ADAMTS9: variants seen among roughly 807,000 people sequenced by gnomAD.
The protein encoded by ADAMTS9 is ADAM metallopeptidase with thrombospondin type 1 motif 9.
In ADAMTS9, 107 loss-of-function variants were observed where a neutral mutation model predicts 257.1. The observed-to-expected ratio is 0.42, with a 90% confidence interval of 0.36 to 0.49. ADAMTS9 has a LOEUF of 0.49. Among genes scored for constraint, ADAMTS9 ranks in the 20% least tolerant of loss-of-function variants. ADAMTS9 has a pLI of 0.03. For missense variants in ADAMTS9, 2,353 were observed against 2,469.1 expected (o/e 0.95, Z 1.00); for synonymous variants, 982 against 880.9 (o/e 1.11, Z -2.03).
chr3:64,681,383 G>T lies in ADAMTS9; in HGVS notation c.517-20C>A, dbSNP rs73124286. ...GCCCAGCTGCAAATGAAGAGAGATG[G>T]GAGGTTGATTTAACGTAACTCAGTC... On this transcript the variant is annotated intron_variant, in intron 2 of 39. Coordinates refer to ENST00000498707, the MANE Select transcript of ADAMTS9 (RefSeq NM_182920.2). The T allele has an allele frequency of 0.28, 446,293 of 1,596,096 alleles. 64,223 individuals are homozygous for T. Among genetic ancestry groups the T allele is most frequent in the East Asian group, 0.39 (17,088 of 44,080 alleles).
chr3:64,658,215 A>C (rs1182546597), intron 4 of ADAMTS9, among the ~76,000 whole-genome samples: 1 of 152,198 alleles, frequency 6.6e-6, no homozygotes, highest in African/African-American at 2.4e-5. Context: ...TTATCTATAA[A>C]ATGGGCATGA....
chr3:64,683,656 T>G (rs72892872), intron 2 of ADAMTS9, among the ~76,000 whole-genome samples: 18,465 of 152,210 alleles, frequency 0.12, 2,102 homozygotes, highest in African/African-American at 0.28. Flanking sequence ...CATATCAATG[T>G]GATGCCAAAA....
intron 30 of ADAMTS9, among the ~76,000 whole-genome samples, chr3:64,555,800 G>C (rs751997373): frequency 1.3e-5 from 2 of 152,158 alleles, no homozygotes; most frequent in African/African-American, 4.8e-5. Context: ...GGCTGGAGGT[G>C]AGAAATGGCA....
chr3:64,547,826 T>C (rs1014072901), intron 31 of ADAMTS9, among the ~76,000 whole-genome samples: 6 of 152,150 alleles, frequency 3.9e-5, no homozygotes, highest in African/African-American at 1.4e-4. Context: ...CACATCGTTA[T>C]AGTGTCCCAA....
intron 4 of ADAMTS9, 64 bp downstream of exon 4, chr3:64,658,438 G>T: frequency 6.6e-7 from 1 of 1,518,782 alleles, no homozygotes; most frequent in Non-Finnish European, 8.9e-7. Flanking sequence ...GCACTGAGTG[G>T]AAACCCATTC....
At chr3:64,535,443 A>C (rs912693896) in intron 37 of ADAMTS9, among the ~76,000 whole-genome samples, 1 of 152,052 alleles carries the variant, frequency 6.6e-6, no homozygotes, top group African/African-American at 2.4e-5. Context: ...CTTATGTGGC[A>C]TGGCTGCCAT....
intron 2 of ADAMTS9, among the ~76,000 whole-genome samples, chr3:64,682,344 G>A (rs1701779779): frequency 6.6e-6 from 1 of 152,180 alleles, no homozygotes; most frequent in Non-Finnish European, 1.5e-5. Flanking sequence ...ACGGTTTTTG[G>A]TGTTGCCAGT....
In ADAMTS9 at chr3:64,550,929, G is replaced by C; in HGVS notation, c.4832C>G (p.Pro1611Arg). The change falls in exon 31 of 40, where the codon CCC becomes CGC. Residue 1611 changes from proline (P) to arginine (R), a missense_variant. Pro to Arg is a moderately radical substitution (Grantham distance 103, BLOSUM62 -2). Coordinates refer to ENST00000498707, the MANE Select transcript of ADAMTS9 (RefSeq NM_182920.2). ...PVDRESCSLQ[P>R]CEYVWITGEW... Reference sequence around the variant, plus strand: ...TCCTGTGATCCAGACATACTCGCAGGGTTGCAAACTACAGCTTTCACGGTC... The same window carrying C: ...TCCTGTGATCCAGACATACTCGCAGCGTTGCAAACTACAGCTTTCACGGTC... The C allele has an allele frequency of 6.2e-7, 1 of 1,614,110 alleles. No individual in the cohort carries two copies. Among genetic ancestry groups the C allele is most frequent in the Non-Finnish European group, 8.5e-7 (1 of 1,180,006 alleles).
chr3:64,612,715 G>A (rs2106836358), intron 22 of ADAMTS9, among the ~76,000 whole-genome samples: 1 of 152,268 alleles, frequency 6.6e-6, no homozygotes, highest in South Asian at 2.1e-4. Flanking sequence ...TCTATATTAG[G>A]AAGGACTTAA....
chr3:64,574,493 T>C (rs1487739266), intron 28 of ADAMTS9, among the ~76,000 whole-genome samples: 3 of 132,938 alleles, frequency 2.3e-5, no homozygotes, highest in Non-Finnish European at 4.6e-5. Flanking sequence ...GAGGCAGAGG[T>C]GGGAGGATCA....
At chr3:64,622,117 T>C in intron 18 of ADAMTS9, 81 bp downstream of exon 18, 2 of 1,410,494 alleles carry the variant, frequency 1.4e-6, no homozygotes, top group Non-Finnish European at 1.9e-6. Flanking sequence ...GCAGTTTGCA[T>C]GCATTTGGCT....
chr3:64,635,183 C>T (rs1264699146), intron 12 of ADAMTS9, among the ~76,000 whole-genome samples: 2 of 152,160 alleles, frequency 1.3e-5, no homozygotes, highest in Non-Finnish European at 2.9e-5. Context: ...GCCCAGGTCC[C>T]ACAAAGGCCC....
At chr3:64,674,750 A>G (rs1438489739) in intron 3 of ADAMTS9, among the ~76,000 whole-genome samples, 1 of 152,160 alleles carries the variant, frequency 6.6e-6, no homozygotes, top group Admixed American at 6.5e-5. Context: ...ACTGCCTGGA[A>G]CCCATAGGCT....
chr3:64,655,293 A>G (rs1559813505), intron 6 of ADAMTS9, among the ~76,000 whole-genome samples: 1 of 152,320 alleles, frequency 6.6e-6, no homozygotes, highest in East Asian at 1.9e-4. Flanking sequence ...CGTGGTTCTC[A>G]ACCAAGGTGA....
intron 38 of ADAMTS9, among the ~76,000 whole-genome samples, chr3:64,528,076 C>G (rs1408068499): frequency 6.6e-6 from 1 of 152,132 alleles, no homozygotes; most frequent in Non-Finnish European, 1.5e-5. Context: ...TCTGTTAGAC[C>G]ATATCTCTTA....
chr3:64,546,840 C>T lies in ADAMTS9; in HGVS notation c.4982G>A (p.Gly1661Asp). ...GGGGTGAACACTGGGGGGCTGCGTGCCTGGGCAGTTGATGGTGGTTTGGTA... is the reference window on the plus strand; with the variant it reads ...GGGGTGAACACTGGGGGGCTGCGTGTCTGGGCAGTTGATGGTGGTTTGGTA... The part of the protein sequence containing the change: ...YSYQTTINCP[G>D]TQPPSVHPCY... The change falls in exon 32 of 40, where the codon GGC (glycine) becomes GAC (aspartate). Residue 1661 changes from glycine to aspartate, a missense_variant. By Grantham distance (94) the Gly-to-Asp change is moderately conservative. Around this residue, in one of 3 missense-constraint regions of ADAMTS9, gnomAD observed 1,402 missense variants for 1,441.4 expected, o/e 0.97. Coordinates refer to ENST00000498707, the MANE Select transcript of ADAMTS9 (RefSeq NM_182920.2). The T allele has an allele frequency of 6.2e-7, 1 of 1,614,122 alleles. No homozygotes were observed. The highest frequency in any genetic ancestry group is 8.5e-7 in the Non-Finnish European group (1 of 1,180,004).
intron 26 of ADAMTS9, 116 bp from the exon 27 acceptor site, chr3:64,597,107 G>A (rs1282891599): frequency 1.1e-5 from 15 of 1,393,490 alleles, no homozygotes; most frequent in Middle Eastern, 2.6e-4. Flanking sequence ...AGTCATCCAC[G>A]AAGGACAAAA....
rs1220384480 is a variant in ADAMTS9, at chr3:64,604,068, C to A, written c.3601G>T (p.Gly1201Cys). Residue 1201 changes from glycine (G) to cysteine (C), a missense_variant, in exon 25 of 40, where the codon GGT becomes TGT. By Grantham distance (159) the Gly-to-Cys change is radical. Around this residue, in one of 3 missense-constraint regions of ADAMTS9, gnomAD observed 1,402 missense variants for 1,441.4 expected, o/e 0.97. Transcript: ENST00000498707. ...CAGCTGACGTATCTCATCCGGGTAC[C>A]TTTCCCACAAGTGGCTGAGCACTGG... is the stretch of plus-strand genomic sequence containing the variant. ...WTPCSATCGKGTRMRYVSCRD... is the reference protein window; with the variant it reads ...WTPCSATCGKCTRMRYVSCRD... 1 of 1,614,056 alleles carries A rather than the reference C, an allele frequency of 6.2e-7. No homozygotes were observed. Among genetic ancestry groups the A allele is most frequent in the Admixed American group, 1.7e-5 (1 of 60,020 alleles).
At chr3:64,630,029 G>A (rs1162197483) in intron 16 of ADAMTS9, among the ~76,000 whole-genome samples, 3 of 150,528 alleles carry the variant, frequency 2.0e-5, no homozygotes, top group African/African-American at 7.4e-5. Flanking sequence ...AATAAATAGA[G>A]TTCCTGCCTG....
Sources: allele counts gnomAD v4.1 joint callset (sites outside exome capture counted in the v4.1 genomes callset), GRCh38; gene constraint gnomAD v4.1.1; regional missense constraint gnomAD v4.1.1; transcripts MANE v1.5; gene names NCBI Gene and HGNC (gene_info 2026-07-23, HGNC 2026-07-21).